ATM: variants seen among roughly 807,000 people sequenced by gnomAD.
The protein encoded by ATM is ATM serine/threonine kinase, also known as serine-protein kinase ATM.
Under a neutral mutation model 387.0 loss-of-function variants are expected in ATM, and 308 were observed. The ratio of observed to expected loss-of-function variants is 0.80; its 90% CI spans 0.73 to 0.87. The LOEUF is 0.87. Among genes scored for constraint, ATM ranks in the 40% least tolerant of loss-of-function variants. ATM has a pLI of 0.00. For missense variants in ATM, 3,312 were observed against 3,560.9 expected (o/e 0.93, Z 1.78); for synonymous variants, 1,156 against 1,187.3 (o/e 0.97, Z 0.54).
In ATM at chr11:108,368,378, T is replaced by TA. The variant is rs1469375533; in HGVS notation, c.*2871dup. 1 of 212,378 alleles carries TA rather than the reference T, an allele frequency of 4.7e-6. No homozygotes were observed. The highest frequency in any genetic ancestry group is 5.9e-5 in the Admixed American group (1 of 17,086). 13.2% of individuals were successfully genotyped at this position (212,378 alleles called of 1,614,324 possible). On this transcript the variant is annotated 3_prime_UTR_variant, in exon 63 of 63. Transcript: ENST00000675843. ...CTGCCAAGGACAAATGAGGAGTAGT[T>TA]AGATTTTGAAAATATTAATCATAGA...
intron 3 of ATM, 42 bp from the exon 4 acceptor site, chr11:108,229,136 G>A (rs150747015): frequency 1.3e-6 from 2 of 1,573,268 alleles, no homozygotes; most frequent in East Asian, 2.3e-5. Flanking sequence ...TATAATTTAA[G>A]TATTCAACGA....
intron 5 of ATM, among the ~76,000 whole-genome samples, chr11:108,242,685 TTG>T (rs1346778491): frequency 2.6e-5 from 4 of 152,168 alleles, no homozygotes; most frequent in East Asian, 3.9e-4. Flanking sequence ...ACAGATTTAC[TTG>T]TAGCCTATTG....
At chr11:108,259,382 G>A (rs1293168988) in intron 16 of ATM, among the ~76,000 whole-genome samples, 5 of 152,102 alleles carry the variant, frequency 3.3e-5, no homozygotes, top group Non-Finnish European at 7.4e-5. Context: ...CCAGCTACTC[G>A]GGAGGCTGAG....
At chr11:108,270,738 C>T (rs1480345252) in intron 18 of ATM, among the ~76,000 whole-genome samples, 2 of 152,004 alleles carry the variant, frequency 1.3e-5, no homozygotes, top group East Asian at 1.9e-4. Flanking sequence ...CTCTGTTGCC[C>T]GGGCTGGAGT....
chr11:108,248,854 C>G (rs1400517625), intron 8 of ATM, 79 bp from the exon 9 acceptor site: 6 of 1,307,848 alleles, frequency 4.6e-6, no homozygotes, highest in Admixed American at 2.3e-5. Flanking sequence ...TGCTGTTCCA[C>G]TCCAACCTGG....
intron 38 of ATM, 105 bp downstream of exon 38, chr11:108,308,089 G>C: frequency 1.9e-6 from 2 of 1,070,402 alleles, no homozygotes; most frequent in Non-Finnish European, 1.4e-6. Flanking sequence ...GTTGCAAAGT[G>C]TTATATTTAA....
intron 61 of ATM, among the ~76,000 whole-genome samples, chr11:108,360,623 G>T (rs1250611604): frequency 1.3e-5 from 2 of 149,742 alleles, no homozygotes; most frequent in African/African-American, 5.0e-5. Flanking sequence ...TCATCCCTGG[G>T]ATTCAAGGCT....
At chr11:108,334,099 A>G (rs2086577634) in intron 54 of ATM, 131 bp downstream of exon 54, 2 of 698,178 alleles carry the variant, frequency 2.9e-6, no homozygotes, top group African/African-American at 3.6e-5. Context: ...TCAACCTATA[A>G]TTTCTCAGTA....
chr11:108,269,661 G>A (rs372321458), intron 18 of ATM, among the ~76,000 whole-genome samples: 4 of 152,176 alleles, frequency 2.6e-5, no homozygotes, highest in South Asian at 4.1e-4. Context: ...CTGGCCTAGC[G>A]AGTAGCAAGT....
intron 37 of ATM, among the ~76,000 whole-genome samples, chr11:108,306,737 C>T (rs117640108): frequency 2.0e-5 from 3 of 152,330 alleles, no homozygotes; most frequent in Non-Finnish European, 2.9e-5. Context: ...CTATAAGCCT[C>T]ATTGCCTTCA....
intron 60 of ATM, among the ~76,000 whole-genome samples, chr11:108,354,082 C>CAT (rs1555143115): frequency 1.3e-5 from 2 of 150,410 alleles, no homozygotes; most frequent in African/African-American, 5.0e-5. Flanking sequence ...CACACACACA[C>CAT]ACACACACAC....
At position 108,358,042 on chromosome 11, in the gene ATM, T is replaced by C. The variant is rs1012700242; in HGVS notation, c.8850+3168T>C. Reference sequence around the variant, plus strand: ...AACCAAAGGCAAATAAGTTGACAACTTTGAAAAAAATTTAGAAGAATGTAT... The same window carrying C: ...AACCAAAGGCAAATAAGTTGACAACCTTGAAAAAAATTTAGAAGAATGTAT... On this transcript the variant is annotated intron_variant, in intron 61 of 62. Transcript: ENST00000675843. Among the ~76,000 whole-genome samples, 36 of 143,992 alleles carry C rather than the reference T, an allele frequency of 2.5e-4. 1 individual carries two copies. The highest frequency in any genetic ancestry group is 7.8e-4 in the African/African-American group (31 of 39,746). The allele number at this position is 143,992 out of a possible 152,430, so 94.5% of individuals were successfully genotyped here. A position where few individuals can be genotyped will look rare whatever the true frequency, so the allele number is the denominator to read the frequency against.
chr11:108,300,038 T>C (rs767111439), intron 34 of ATM, among the ~76,000 whole-genome samples, 153 bp downstream of exon 34: 76 of 152,226 alleles, frequency 5.0e-4, no homozygotes, highest in South Asian at 1.4e-3. Flanking sequence ...TTAATTCACA[T>C]AATTATTTAC....
chr11:108,288,928 A>G, intron 27 of ATM, 49 bp from the exon 28 acceptor site: 1 of 1,612,176 alleles, frequency 6.2e-7, no homozygotes, highest in East Asian at 2.2e-5. Context: ...TGGTCTATGA[A>G]CAAAACTTTT....
rs876659725 is a variant in ATM, at chr11:108,302,891, T to A, written c.5358T>A (p.Phe1786Leu). Residue 1786 changes from phenylalanine (F) to leucine (L), a missense_variant, in exon 36 of 63, where the codon TTT becomes TTA. Physicochemically the swap from Phe to Leu is conservative, Grantham distance 22. Coordinates refer to ENST00000675843, the MANE Select transcript of ATM (RefSeq NM_000051.4). ...EVPRFDKENP[F>L]EGLDDINLWI... ...CCAGATTTGACAAAGAAAACCCTTTTGAAGGCCTGGATGATATAAATCTGT... is the reference window on the plus strand; with the variant it reads ...CCAGATTTGACAAAGAAAACCCTTTAGAAGGCCTGGATGATATAAATCTGT... 6.2e-7 allele frequency: 1 copy of A among 1,613,300 alleles called. No homozygotes were observed. The highest frequency in any genetic ancestry group is 8.5e-7 in the Non-Finnish European group (1 of 1,179,384).
intron 1 of ATM, 93 bp downstream of exon 1, chr11:108,223,279 G>C (rs1267662870): frequency 6.4e-6 from 1 of 155,978 alleles, no homozygotes; most frequent in Non-Finnish European, 1.4e-5. Flanking sequence ...CCAATCTCAT[G>C]CACCCCTCCA....
intron 61 of ATM, among the ~76,000 whole-genome samples, chr11:108,359,505 AC>A (rs1359362045): frequency 1.3e-5 from 2 of 152,042 alleles, no homozygotes; most frequent in Non-Finnish European, 2.9e-5. Context: ...TTTTTTCAGC[AC>A]CACACCACAC....
rs3218677 is a variant in ATM at position 108,321,432 on chromosome 11, G to T, written c.6572+12G>T. On this transcript the variant is annotated intron_variant, in intron 45 of 62. Transcript: ENST00000675843. ...GAGCTTTTCTCAAGGTATGTAATTC[G>T]TATGACTTTGTTATCCTAAAGTGCA... The T allele has an allele frequency of 2.3e-3, 3,748 of 1,613,882 alleles. 84 individuals are homozygous for T. The African/African-American group carries it at 0.043, about 18-fold the overall frequency.
rs979541434 is a variant in ATM, at chr11:108,310,455, A to G, written c.5918+140A>G. 5.3e-5 allele frequency: 42 copies of G among 787,530 alleles called. No individual in the cohort carries two copies. The African/African-American group carries it at 7.0e-4, about 13-fold the overall frequency. 48.8% of individuals were successfully genotyped at this position (787,530 alleles called of 1,614,324 possible). On this transcript the variant is annotated intron_variant, in intron 39 of 62. Transcript: ENST00000675843. ...AGAAATTTTGTTTTAAAGTGAAATT[A>G]TAATAAATTTTTAAAAAGGAATATG...
Sources: gnomAD v4.1 joint callset for allele counts (sites outside exome capture counted in the v4.1 genomes callset) on GRCh38, gnomAD v4.1.1 for gene constraint, MANE v1.5 for transcripts, NCBI Gene and HGNC (gene_info 2026-07-23, HGNC 2026-07-21) for gene names.